Variants in EWSR1 observed in about 807,000 individuals in gnomAD.
EWSR1 encodes the protein EWS RNA binding protein 1, also known as RNA-binding protein EWS.
In EWSR1, 14 loss-of-function variants were observed where a neutral mutation model predicts 92.1. The observed-to-expected ratio is 0.15, with a 90% confidence interval of 0.10 to 0.24. EWSR1 has a LOEUF of 0.24. Ranked by LOEUF, EWSR1 falls within the 10% of genes least tolerant of loss-of-function variation. The probability of loss-of-function intolerance (pLI) is 1.00; values close to 1 mark genes in which losing one functional copy is unlikely to be tolerated. For missense variants in EWSR1, 637 were observed against 870.9 expected, an observed-to-expected ratio of 0.73 and a Z score of 3.38; for synonymous variants, 303 against 292.9, an observed-to-expected ratio of 1.03 and a Z score of -0.35.
At chr22:29,297,342 A>T (rs1349871476) in intron 12 of EWSR1, among the ~76,000 whole-genome samples, 1 of 152,104 alleles carries the variant, frequency 6.6e-6, no homozygotes, top group African/African-American at 2.4e-5. Context: ...TTTAGTAGAG[A>T]TGGGGTTTCA....
chr22:29,285,953 T>C (rs1056875032), intron 6 of EWSR1, among the ~76,000 whole-genome samples: 17 of 151,870 alleles, frequency 1.1e-4, no homozygotes, highest in African/African-American at 4.1e-4. Context: ...TTCTCCTGCC[T>C]CAGCCTCCCC....
At chr22:29,269,348 C>T (rs2058452795) in intron 1 of EWSR1, 1 of 152,256 alleles carries the variant, frequency 6.6e-6, no homozygotes, top group South Asian at 2.1e-4. Flanking sequence ...CTTAAAGGCA[C>T]TTGCAAGCAA....
chr22:29,291,444 A>G, intron 8 of EWSR1, 118 bp from the exon 9 acceptor site: 1 of 893,862 alleles, frequency 1.1e-6, no homozygotes, highest in Non-Finnish European at 1.7e-6. Flanking sequence ...GATGAGAGAG[A>G]TGCATTGTTT....
intron 4 of EWSR1, among the ~76,000 whole-genome samples, chr22:29,274,863 G>A (rs769950695): frequency 1.3e-5 from 2 of 152,174 alleles, no homozygotes; most frequent in Non-Finnish European, 2.9e-5. Context: ...TCAGTGCTGT[G>A]TAATGTTTCA....
chr22:29,273,760 A>T lies in EWSR1; in HGVS notation c.122A>T (p.Tyr41Phe), dbSNP rs752450196. 1.2e-6 allele frequency: 2 copies of T among 1,613,442 alleles called. No homozygotes were observed. The highest frequency in any genetic ancestry group is 1.7e-6 in the Non-Finnish European group (2 of 1,179,902). The change falls in exon 4 of 17, where the codon TAT (tyrosine) becomes TTT (phenylalanine). Residue 41 changes from tyrosine (Y) to phenylalanine (F), a missense_variant. Tyr to Phe is a conservative substitution (Grantham distance 22, BLOSUM62 3). This residue lies in a region of EWSR1 where 144 missense variants were observed against 189.0 expected (regional missense o/e 0.76). Coordinates refer to ENST00000397938, the MANE Select transcript of EWSR1 (RefSeq NM_005243.4). ...QTTQAYGQQS[Y>F]GTYGQPTDVS... ...GAGCAGGCATATGGGCAACAAAGCT[A>T]TGGAACCTATGGACAGCCCACTGAT...
At chr22:29,286,249 C>G (rs2060022355) in intron 6 of EWSR1, among the ~76,000 whole-genome samples, 1 of 152,018 alleles carries the variant, frequency 6.6e-6, no homozygotes, top group Non-Finnish European at 1.5e-5. Context: ...CTCCCGGGTT[C>G]ATGCCATTCC....
chr22:29,275,385 C>G (rs1304850097), intron 4 of EWSR1, among the ~76,000 whole-genome samples: 1 of 152,028 alleles, frequency 6.6e-6, no homozygotes. Flanking sequence ...TTGAGAAATC[C>G]CCATCATGAC....
At chr22:29,291,980 T>C (rs2060473631) in intron 9 of EWSR1, 157 bp from the exon 10 acceptor site, 2 of 709,696 alleles carry the variant, frequency 2.8e-6, no homozygotes, top group Admixed American at 2.4e-5. Context: ...TCACAAATGT[T>C]AAAGAGACAC....
At chr22:29,287,878 A>G (rs2060165160) in intron 7 of EWSR1, among the ~76,000 whole-genome samples, 1 of 152,074 alleles carries the variant, frequency 6.6e-6, no homozygotes, top group African/African-American at 2.4e-5. Flanking sequence ...GTTTATATCC[A>G]TTAAGGGGAA....
intron 7 of EWSR1, among the ~76,000 whole-genome samples, 161 bp downstream of exon 7, chr22:29,287,295 G>T (rs72547434): frequency 1.3e-5 from 2 of 152,262 alleles, no homozygotes; most frequent in Admixed American, 6.5e-5. Context: ...TGCAGCCTCC[G>T]CCTCCTGGTT....
chr22:29,271,143 T>G (rs188560163), intron 1 of EWSR1, among the ~76,000 whole-genome samples: 260 of 152,320 alleles, frequency 1.7e-3, no homozygotes, highest in Non-Finnish European at 3.2e-3. Flanking sequence ...GGGACTACTT[T>G]CTGATTGGAA....
intron 12 of EWSR1, 48 bp downstream of exon 12, chr22:29,296,416 G>C: frequency 1.9e-6 from 3 of 1,603,248 alleles, no homozygotes; most frequent in Non-Finnish European, 2.6e-6. Context: ...TATAGAATAT[G>C]GCATGAGGGA....
intron 11 of EWSR1, among the ~76,000 whole-genome samples, chr22:29,293,705 C>T (rs2060622021): frequency 6.6e-6 from 1 of 151,952 alleles, no homozygotes. Context: ...GCTAGGATTA[C>T]AGGTGCCCGC....
In EWSR1 at chr22:29,280,041, A is replaced by G; in HGVS notation, c.413+1825A>G. Among the ~76,000 whole-genome samples, 2 of 152,110 alleles carry G rather than the reference A, an allele frequency of 1.3e-5. 1 individual carries two copies. The highest frequency in any genetic ancestry group is 1.3e-4 in the Admixed American group (2 of 15,270). ...ATGGGACCTATTTCAGCTCAGGAAAAGTTAGTACTTCACACCCTCTCTGGT... is the reference window on the plus strand; with the variant it reads ...ATGGGACCTATTTCAGCTCAGGAAAGGTTAGTACTTCACACCCTCTCTGGT... On this transcript the variant is annotated intron_variant, in intron 5 of 16. Coordinates refer to ENST00000397938, the MANE Select transcript of EWSR1 (RefSeq NM_005243.4).
chr22:29,281,730 A>G (rs1049592745), intron 5 of EWSR1, among the ~76,000 whole-genome samples: 3 of 151,434 alleles, frequency 2.0e-5, no homozygotes, highest in Non-Finnish European at 2.9e-5. Context: ...ACAGGCGCCC[A>G]CCACCATGCC....
chr22:29,280,606 GTTAGA>G (rs1314089366), intron 5 of EWSR1, among the ~76,000 whole-genome samples: 4 of 151,570 alleles, frequency 2.6e-5, no homozygotes, highest in Admixed American at 1.3e-4. Context: ...TTTGAGCCAA[GTTAGA>G]TTAGTTTATG....
At chr22:29,291,672 T>G (rs910403468) in intron 9 of EWSR1, 73 bp downstream of exon 9, 26 of 1,391,740 alleles carry the variant, frequency 1.9e-5, no homozygotes, top group Non-Finnish European at 2.3e-5. Flanking sequence ...CTATAATTTT[T>G]TTATTAGTTT....
chr22:29,293,034 G>T (rs2060563738), intron 11 of EWSR1, among the ~76,000 whole-genome samples: 1 of 152,048 alleles, frequency 6.6e-6, no homozygotes, highest in South Asian at 2.1e-4. Flanking sequence ...TTACAGGTGT[G>T]ATCCCCTACG....
chr22:29,281,724 G>T (rs1420375383), intron 5 of EWSR1, among the ~76,000 whole-genome samples: 2 of 152,082 alleles, frequency 1.3e-5, no homozygotes, highest in Non-Finnish European at 2.9e-5. Flanking sequence ...GGGACTACAG[G>T]CGCCCACCAC....
Sources: allele counts gnomAD v4.1 joint callset (sites outside exome capture counted in the v4.1 genomes callset), GRCh38; gene constraint gnomAD v4.1.1; regional missense constraint gnomAD v4.1.1; transcripts MANE v1.5; gene names NCBI Gene and HGNC (gene_info 2026-07-23, HGNC 2026-07-21).